The following MPDZ variants were observed in gnomAD, a reference collection of about 807,000 sequenced individuals.
MPDZ encodes the protein multiple PDZ domain protein.
MPDZ carries 234 observed loss-of-function variants against 239.1 expected under a neutral mutation model. The ratio of observed to expected loss-of-function variants is 0.98; its 90% CI spans 0.88 to 1.09. The LOEUF (loss-of-function observed/expected upper bound fraction) is 1.09. MPDZ is among the 50% of genes least tolerant of loss of function. The probability of loss-of-function intolerance (pLI) is 0.00; values close to 1 mark genes in which losing one functional copy is unlikely to be tolerated. For synonymous variants in MPDZ, 1,048 were observed against 881.3 expected (o/e 1.19, Z -3.35); for missense variants, 3,175 against 2,510.0 (o/e 1.26, Z -5.66).
intron 38 of MPDZ, 146 bp from the exon 39 acceptor site, chr9:13,119,795 A>G (rs1944056086): frequency 1.3e-6 from 1 of 789,798 alleles, no homozygotes; most frequent in Non-Finnish European, 2.1e-6. Flanking sequence ...CTGGGGCAAC[A>G]TTAGAATTAT....
chr9:13,170,397 G>C (rs1490168941), intron 21 of MPDZ, among the ~76,000 whole-genome samples: 2 of 152,056 alleles, frequency 1.3e-5, no homozygotes, highest in African/African-American at 2.4e-5. Flanking sequence ...AAAATATTCT[G>C]TTAAGACTCA....
chr9:13,166,666 C>A (rs1172498779), intron 22 of MPDZ, among the ~76,000 whole-genome samples: 1 of 151,992 alleles, frequency 6.6e-6, no homozygotes, highest in Non-Finnish European at 1.5e-5. Flanking sequence ...ATTTTGCCTC[C>A]TGAGATCCTA....
chr9:13,196,312 T>C, intron 12 of MPDZ, 82 bp from the exon 13 acceptor site: 1 of 929,078 alleles, frequency 1.1e-6, no homozygotes, highest in Non-Finnish European at 1.7e-6. Flanking sequence ...GATTCTCTGA[T>C]CAGAACCCGC....
intron 12 of MPDZ, among the ~76,000 whole-genome samples, chr9:13,200,344 A>G (rs1254195723): frequency 6.6e-6 from 1 of 151,942 alleles, no homozygotes; most frequent in Non-Finnish European, 1.5e-5. Context: ...TTGGCTTACT[A>G]TGGCGAAAGA....
chr9:13,224,396 T>C lies in MPDZ; in HGVS notation c.371A>G (p.Gln124Arg). Residue 124 changes from glutamine to arginine, a missense_variant, in exon 4 of 47, where the codon CAG becomes CGG. Coordinates refer to ENST00000319217, the MANE Select transcript of MPDZ (RefSeq NM_001378778.1). The stretch of plus-strand genomic sequence containing the variant: ...TACCTGGGCCATATTTTTGATAAGC[T>C]GATCAAATTCATCACAAGCAGGTTT... Reference protein sequence around the residue: ...NGKPACDEFDQLIKNMAQGRH... With the variant: ...NGKPACDEFDRLIKNMAQGRH... 1 of 1,612,376 alleles carries C rather than the reference T, an allele frequency of 6.2e-7. No individual in the cohort carries two copies. The highest frequency in any genetic ancestry group is 8.5e-7 in the Non-Finnish European group (1 of 1,178,996).
At chr9:13,120,704 G>A (rs1177378113) in intron 38 of MPDZ, 6 of 152,174 alleles carry the variant, frequency 3.9e-5, no homozygotes, top group Non-Finnish European at 8.8e-5. Context: ...CAGAAAAGTC[G>A]CTGCAGAACC....
chr9:13,242,639 TAACC>T (rs965306507), intron 3 of MPDZ, among the ~76,000 whole-genome samples: 1 of 151,968 alleles, frequency 6.6e-6, no homozygotes, highest in Non-Finnish European at 1.5e-5. Context: ...CAAAGGTGAT[TAACC>T]AACCAACAAA....
At chr9:13,256,562 C>T (rs553770633) in intron 1 of MPDZ, among the ~76,000 whole-genome samples, 80 of 152,274 alleles carry the variant, frequency 5.3e-4, no homozygotes, top group African/African-American at 1.9e-3. Flanking sequence ...AATTTCAATA[C>T]TGTTCTGTGT....
At position 13,159,767 on chromosome 9, in the gene MPDZ, C is replaced by G. The variant is rs113049257; in HGVS notation, c.3360-1657G>C. On this transcript the variant is annotated intron_variant, in intron 23 of 46. Coordinates refer to ENST00000319217, the MANE Select transcript of MPDZ (RefSeq NM_001378778.1). ...AATAATCCAATACAAGGACCCCAGT[C>G]TCTTCAGATGATTCTATAATCTTGA... Among the ~76,000 whole-genome samples, 905 of 152,224 alleles carry G rather than the reference C, an allele frequency of 5.9e-3. 11 individuals carry two copies. Among genetic ancestry groups the G allele is most frequent in the African/African-American group, 0.021 (870 of 41,546 alleles).
chr9:13,136,138 G>C lies in MPDZ; in HGVS notation c.4337C>G (p.Ala1446Gly), dbSNP rs1197196636. The change falls in exon 31 of 47, where the codon GCA becomes GGA. Residue 1446 changes from alanine to glycine, a missense_variant. Transcript: ENST00000319217. ...VNQMAVCPGNAVEPLPSNSEN... is the reference protein window; with the variant it reads ...VNQMAVCPGNGVEPLPSNSEN... ...TGAGTTAGAAGGCAAAGGTTCTACT[G>C]CATTTCCAGGACATACGGCCATCTG... The C allele has an allele frequency of 6.2e-7, 1 of 1,612,876 alleles. No homozygotes were observed. Among genetic ancestry groups the C allele is most frequent in the East Asian group, 2.2e-5 (1 of 44,772 alleles).
intron 10 of MPDZ, among the ~76,000 whole-genome samples, chr9:13,209,603 T>C (rs866412523): frequency 5.9e-5 from 9 of 152,326 alleles, no homozygotes; most frequent in Middle Eastern, 6.8e-3. Flanking sequence ...AAAAGCAGGT[T>C]GCACACTGAA....
At position 13,195,403 on chromosome 9, in the gene MPDZ, C is replaced by T. The variant is rs141130470; in HGVS notation, c.1656+718G>A. Among the ~76,000 whole-genome samples, 155 of 152,246 alleles carry T rather than the reference C, an allele frequency of 1.0e-3. 3 individuals carry two copies. In the East Asian group the frequency reaches 0.029, roughly 29 times the overall value. ...ATAAACGCTAGTTATTAATATATGT[C>T]ATCTGTTGTATCTTCTCCCTTCTAG... On this transcript the variant is annotated intron_variant, in intron 13 of 46. Coordinates refer to ENST00000319217, the MANE Select transcript of MPDZ (RefSeq NM_001378778.1).
intron 4 of MPDZ, 80 bp from the exon 5 acceptor site, chr9:13,223,790 G>C (rs1959596558): frequency 7.0e-7 from 1 of 1,432,762 alleles, no homozygotes; most frequent in Middle Eastern, 1.9e-4. Context: ...CCAGCACTTT[G>C]GGAGGCCAAG....
intron 23 of MPDZ, 65 bp downstream of exon 23, chr9:13,162,626 C>A (rs1197401023): frequency 1.8e-6 from 2 of 1,083,594 alleles, no homozygotes; most frequent in Middle Eastern, 2.1e-4. Context: ...CTCCCTGACT[C>A]TGAATTCCAA....
chr9:13,110,622 G>C lies in MPDZ; in HGVS notation c.5829+14C>G, dbSNP rs1942292690. On this transcript the variant is annotated intron_variant, in intron 44 of 46. Transcript: ENST00000319217. ...TACCTATATTCTGAATTATGCTTGG[G>C]ATAAAAATCTTACCTGCATTTCAAT... 6.3e-7 allele frequency: 1 copy of C among 1,599,100 alleles called. No individual in the cohort carries two copies. The highest frequency in any genetic ancestry group is 1.1e-5 in the South Asian group (1 of 90,346).
At chr9:13,123,430 G>C (rs903049223) in intron 35 of MPDZ, 132 bp from the exon 36 acceptor site, 52 of 601,700 alleles carry the variant, frequency 8.6e-5, no homozygotes, top group African/African-American at 7.3e-4. Context: ...AAGAGACTTT[G>C]TATTTACCTC....
At chr9:13,239,493 A>G (rs1964860786) in intron 3 of MPDZ, among the ~76,000 whole-genome samples, 1 of 152,142 alleles carries the variant, frequency 6.6e-6, no homozygotes, top group South Asian at 2.1e-4. Flanking sequence ...ATGCTATGAT[A>G]ATTGCTATGA....
chr9:13,107,038 CCTT>C lies in MPDZ; in HGVS notation c.6137_6139del (p.Glu2046del). ...GGCAACAGCTTCTTCATGGGTGACT[CCTT>C]CTAGACTCTGCCCATTGACAGCAAT... On this transcript the variant is annotated inframe_deletion, in exon 47 of 47. Coordinates refer to ENST00000319217, the MANE Select transcript of MPDZ (RefSeq NM_001378778.1). 3 of 1,612,048 alleles carry C rather than the reference CCTT, an allele frequency of 1.9e-6. No homozygotes were observed. Among genetic ancestry groups the C allele is most frequent in the African/African-American group, 1.3e-5 (1 of 75,026 alleles).
chr9:13,201,483 A>C (rs1956385118), intron 12 of MPDZ, among the ~76,000 whole-genome samples: 1 of 151,992 alleles, frequency 6.6e-6, no homozygotes, highest in African/African-American at 2.4e-5. Flanking sequence ...AGAAATTTTC[A>C]GCTACTATTT....
Sources: allele counts gnomAD v4.1 joint callset (sites outside exome capture counted in the v4.1 genomes callset), GRCh38; gene constraint gnomAD v4.1.1; transcripts MANE v1.5; gene names NCBI Gene and HGNC (gene_info 2026-07-23, HGNC 2026-07-21).